The following GATAD2B variants were observed in gnomAD, a reference collection of about 807,000 sequenced individuals.
The protein encoded by GATAD2B is GATA zinc finger domain containing 2B.
Under a neutral mutation model 64.3 loss-of-function variants are expected in GATAD2B, and 8 were observed. That is an observed-to-expected ratio of 0.12 (90% CI 0.07 to 0.22). The LOEUF (loss-of-function observed/expected upper bound fraction) is 0.22, where lower values mean the gene tolerates loss of function less well. Among genes scored for constraint, GATAD2B ranks in the 10% least tolerant of loss-of-function variants. The pLI, the probability that GATAD2B is intolerant of heterozygous loss-of-function variation, is 1.00. For missense variants in GATAD2B, 453 were observed against 752.0 expected (o/e 0.60, Z 4.65); for synonymous variants, 281 against 271.3 (o/e 1.04, Z -0.35).
chr1:153,828,079 C>T lies in GATAD2B; in HGVS notation c.269G>A (p.Arg90Lys). Residue 90 changes from arginine to lysine, a missense_variant, in exon 2 of 11, where the codon AGG becomes AAG. Arg to Lys is a conservative substitution (Grantham distance 26, BLOSUM62 2). Around this residue, in one of 2 missense-constraint regions of GATAD2B, gnomAD observed 293 missense variants for 417.2 expected, o/e 0.70. Coordinates refer to ENST00000368655, the MANE Select transcript of GATAD2B (RefSeq NM_020699.4). ...TTCTTTGCCTGGCCTTCCAGCAGTC[C>T]TGTTGTCTCCATGAGGCCTGAGATT... Reference protein sequence around the residue: ...NGNLRPHGDNRTAGRPGKENI... With the variant: ...NGNLRPHGDNKTAGRPGKENI... 1.9e-6 allele frequency: 3 copies of T among 1,614,164 alleles called. No homozygotes were observed. The highest frequency in any genetic ancestry group is 2.5e-6 in the Non-Finnish European group (3 of 1,180,024).
intron 1 of GATAD2B, among the ~76,000 whole-genome samples, chr1:153,854,952 T>C (rs1273180816): frequency 6.6e-6 from 1 of 151,942 alleles, no homozygotes; most frequent in African/African-American, 2.4e-5. Flanking sequence ...TCAAAAAAGT[T>C]GATATAAAAA....
intron 1 of GATAD2B, among the ~76,000 whole-genome samples, chr1:153,858,486 T>C (rs1676164249): frequency 6.6e-6 from 1 of 152,010 alleles, no homozygotes; most frequent in Non-Finnish European, 1.5e-5. Context: ...GCACCTGCGG[T>C]CCCAGCTACC....
chr1:153,907,479 C>T (rs1035914103), intron 1 of GATAD2B, among the ~76,000 whole-genome samples: 2 of 152,106 alleles, frequency 1.3e-5, no homozygotes, highest in African/African-American at 2.4e-5. Context: ...AGAATGGTGA[C>T]TGCCAGGAAC....
rs1250300375 is a variant in GATAD2B, at chr1:153,876,242, A to AAAAAAAG, written c.-2+46490_-2+46491insCTTTTTT. On this transcript the variant is annotated intron_variant, in intron 1 of 10. Coordinates refer to ENST00000368655, the MANE Select transcript of GATAD2B (RefSeq NM_020699.4). Reference sequence around the variant, plus strand: ...GACTTCGTCTCAAAAAAAAAAAAAAAAAAAAAAAAAAAAAAAAAGATTTCA... The same window carrying AAAAAAAG: ...GACTTCGTCTCAAAAAAAAAAAAAAAAAAAAAGAAAAAAAAAAAAAAAAAAGATTTCA... 6.3e-4 allele frequency among the ~76,000 whole-genome samples: 93 copies of AAAAAAAG among 146,874 alleles called. 3 individuals carry two copies. The highest frequency in any genetic ancestry group is 2.1e-3 in the South Asian group (10 of 4,688).
At chr1:153,885,438 G>C (rs1677148482) in intron 1 of GATAD2B, among the ~76,000 whole-genome samples, 1 of 152,016 alleles carries the variant, frequency 6.6e-6, no homozygotes, top group Admixed American at 6.6e-5. Flanking sequence ...TTTTAAAAAA[G>C]GGGCTGGGCA....
chr1:153,851,251 T>C (rs1415630102), intron 1 of GATAD2B, among the ~76,000 whole-genome samples: 1 of 152,230 alleles, frequency 6.6e-6, no homozygotes, highest in African/African-American at 2.4e-5. Context: ...TCCTCAAGCT[T>C]CATCCATGTT....
In GATAD2B at chr1:153,807,264, G is replaced by A. The variant is rs553488206; in HGVS notation, c.*2913C>T. ...TTTCCTCCTGTCCTTAGGGCATGAG[G>A]TTTAGTGTCTACACGGCCCAGAGCC... On this transcript the variant is annotated 3_prime_UTR_variant, in exon 11 of 11. Coordinates refer to ENST00000368655, the MANE Select transcript of GATAD2B (RefSeq NM_020699.4). 1 of 152,256 alleles carries A rather than the reference G, an allele frequency of 6.6e-6. No individual in the cohort carries two copies. Among genetic ancestry groups the A allele is most frequent in the East Asian group, 1.9e-4 (1 of 5,176 alleles). The allele number at this position is 152,256 out of a possible 1,614,324, so 9.4% of individuals were successfully genotyped here. A position where few individuals can be genotyped will look rare whatever the true frequency, so the allele number is the denominator to read the frequency against.
rs181852583 is a variant in GATAD2B, at chr1:153,881,440, G to A, written c.-2+41293C>T. ...CATTATAGCAAATGGATGAAGCAGA[G>A]GGAAAGAAGATCCAAACCGAAAGGA... On this transcript the variant is annotated intron_variant, in intron 1 of 10. Coordinates refer to ENST00000368655, the MANE Select transcript of GATAD2B (RefSeq NM_020699.4). 8.5e-4 allele frequency among the ~76,000 whole-genome samples: 129 copies of A among 152,308 alleles called. 1 individual carries two copies. Among genetic ancestry groups the A allele is most frequent in the African/African-American group, 3.1e-3 (128 of 41,568 alleles).
At chr1:153,852,782 T>C in intron 1 of GATAD2B, 1 of 949,070 alleles carries the variant, frequency 1.1e-6, no homozygotes, top group Non-Finnish European at 1.7e-6. Flanking sequence ...ACATAACAAC[T>C]TGGCTTCTGA....
At chr1:153,812,598 T>C (rs1674332527) in intron 8 of GATAD2B, among the ~76,000 whole-genome samples, 1 of 152,144 alleles carries the variant, frequency 6.6e-6, no homozygotes, top group South Asian at 2.1e-4. Context: ...ACTTTTTCTT[T>C]TCTCTTTTTA....
At chr1:153,901,403 C>T (rs1396635588) in intron 1 of GATAD2B, among the ~76,000 whole-genome samples, 1 of 151,906 alleles carries the variant, frequency 6.6e-6, no homozygotes, top group Non-Finnish European at 1.5e-5. Context: ...GAATCAGGAA[C>T]TTTAATAACG....
chr1:153,824,851 A>G (rs1674814810), intron 2 of GATAD2B, among the ~76,000 whole-genome samples: 1 of 152,084 alleles, frequency 6.6e-6, no homozygotes, highest in Non-Finnish European at 1.5e-5. Flanking sequence ...TAGGAGGCAA[A>G]GGCGGGCAGA....
chr1:153,867,077 C>T (rs1163421189), intron 1 of GATAD2B, among the ~76,000 whole-genome samples: 19 of 152,048 alleles, frequency 1.2e-4, no homozygotes, highest in Admixed American at 1.2e-3. Context: ...CGCCACCTGG[C>T]CTCCAATATA....
At chr1:153,858,949 CA>C (rs1202820927) in intron 1 of GATAD2B, among the ~76,000 whole-genome samples, 5 of 152,032 alleles carry the variant, frequency 3.3e-5, no homozygotes, top group African/African-American at 1.2e-4. Flanking sequence ...GTGAACTGTG[CA>C]AATATCTGGG....
intron 1 of GATAD2B, among the ~76,000 whole-genome samples, chr1:153,905,236 G>A (rs1040006220): frequency 1.3e-5 from 2 of 151,964 alleles, no homozygotes; most frequent in Non-Finnish European, 2.9e-5. Context: ...TTAGCCGGGC[G>A]TGGTGGCAGG....
intron 1 of GATAD2B, among the ~76,000 whole-genome samples, chr1:153,908,774 C>T (rs1447172782): frequency 3.1e-5 from 2 of 65,318 alleles, no homozygotes; most frequent in Non-Finnish European, 5.9e-5. Context: ...GGCCTAGAAA[C>T]ATACTTGGAA....
At chr1:153,844,591 G>A (rs1471901788) in intron 1 of GATAD2B, among the ~76,000 whole-genome samples, 1 of 151,834 alleles carries the variant, frequency 6.6e-6, no homozygotes, top group Admixed American at 6.6e-5. Flanking sequence ...CATAAAAAAT[G>A]ATGAGTTCAT....
Position 153,855,354 on chromosome 1 carries a change from G to C in GATAD2B, c.-1-27006C>G, listed in dbSNP as rs573642850. 3.3e-5 allele frequency among the ~76,000 whole-genome samples: 5 copies of C among 151,842 alleles called. No individual in the cohort carries two copies. In the East Asian group the frequency reaches 7.7e-4, roughly 24 times the overall value. On this transcript the variant is annotated intron_variant, in intron 1 of 10. Transcript: ENST00000368655. Reference sequence around the variant, plus strand: ...AGTGATTCTCTCACCTCAGCCTCCCGAGTAGCTGGGATTACAGACAGGTGT... The same window carrying C: ...AGTGATTCTCTCACCTCAGCCTCCCCAGTAGCTGGGATTACAGACAGGTGT...
chr1:153,846,624 C>T (rs371386704), intron 1 of GATAD2B, among the ~76,000 whole-genome samples: 3 of 147,172 alleles, frequency 2.0e-5, no homozygotes, highest in East Asian at 2.0e-4. Flanking sequence ...TGCAGTCGCG[C>T]GATCTCGGCT....
Sources: allele counts gnomAD v4.1 joint callset (sites outside exome capture counted in the v4.1 genomes callset), GRCh38; gene constraint gnomAD v4.1.1; regional missense constraint gnomAD v4.1.1; transcripts MANE v1.5; gene names NCBI Gene and HGNC (gene_info 2026-07-23, HGNC 2026-07-21).